LUC7L3: variants seen among roughly 807,000 people sequenced by gnomAD.
LUC7L3 encodes the protein luc7-like protein 3.
Under a neutral mutation model 66.8 loss-of-function variants are expected in LUC7L3, and 6 were observed. That is an observed-to-expected ratio of 0.09 (90% CI 0.05 to 0.18). The LOEUF (loss-of-function observed/expected upper bound fraction) is 0.18. LUC7L3 is among the 10% of genes least tolerant of loss of function. The pLI is 1.00. For missense variants in LUC7L3, 341 were observed against 531.1 expected (o/e 0.64, Z 3.52); for synonymous variants, 160 against 174.7 (o/e 0.92, Z 0.66).
chr17:50,751,890 T>A lies in LUC7L3; in HGVS notation c.*1229T>A, dbSNP rs1970989287. ...TGTTCTTAAAACCTGTAAACTTCAT[T>A]CTGTGGGCTAGTGGTGTGGGACAAA... On this transcript the variant is annotated 3_prime_UTR_variant, in exon 10 of 10. Coordinates refer to ENST00000505658, the MANE Select transcript of LUC7L3 (RefSeq NM_016424.5). The A allele has an allele frequency of 1.4e-5, 14 of 1,016,838 alleles. No homozygotes were observed. Among genetic ancestry groups the A allele is most frequent in the Non-Finnish European group, 1.5e-5 (13 of 848,794 alleles). The allele number at this position is 1,016,838 out of a possible 1,614,324, so 63.0% of individuals were successfully genotyped here.
At chr17:50,740,637 C>G (rs1434256424) in intron 3 of LUC7L3, among the ~76,000 whole-genome samples, 1 of 152,150 alleles carries the variant, frequency 6.6e-6, no homozygotes, top group Non-Finnish European at 1.5e-5. Flanking sequence ...CAGCTTACTG[C>G]AACCTCCGCC....
intron 1 of LUC7L3, among the ~76,000 whole-genome samples, chr17:50,730,513 C>CAAAAAAAAAAAAAAAAAAAA (rs3063109): frequency 4.7e-4 from 28 of 59,088 alleles, no homozygotes; most frequent in African/African-American, 6.0e-4. Flanking sequence ...ACTCTGTCTC[C>CAAAAAAAAAAAAAAAAAAAA]AAAAAAAAAA....
chr17:50,724,613 G>T (rs1414719756), intron 1 of LUC7L3, among the ~76,000 whole-genome samples: 1 of 28,372 alleles, frequency 3.5e-5, no homozygotes, highest in East Asian at 9.4e-4. Context: ...TAGGAAAATT[G>T]TGTGTGTGTG....
intron 9 of LUC7L3, among the ~76,000 whole-genome samples, chr17:50,747,213 CTTTTTCT>C (rs1327123015): frequency 2.1e-5 from 3 of 144,420 alleles, no homozygotes; most frequent in East Asian, 2.0e-4. Context: ...TTCCCCTTTA[CTTTTTCT>C]TTTTTCTTTT....
intron 1 of LUC7L3, among the ~76,000 whole-genome samples, chr17:50,725,513 C>T (rs1430604184): frequency 6.6e-6 from 1 of 152,102 alleles, no homozygotes; most frequent in Non-Finnish European, 1.5e-5. Context: ...ACAGTAAATG[C>T]ACTTTTTTTT....
intron 1 of LUC7L3, 155 bp from the exon 2 acceptor site, chr17:50,736,805 T>C (rs1228873895): frequency 3.5e-6 from 2 of 576,488 alleles, no homozygotes; most frequent in Non-Finnish European, 3.0e-6. Context: ...AGTCTGAAAA[T>C]CACTAATTTA....
Position 50,752,285 on chromosome 17 carries a change from A to T in LUC7L3, c.*1624A>T. On this transcript the variant is annotated 3_prime_UTR_variant, in exon 10 of 10. Coordinates refer to ENST00000505658, the MANE Select transcript of LUC7L3 (RefSeq NM_016424.5). The stretch of plus-strand genomic sequence containing the variant: ...TTAAAAAATGAGGTGAAAGAAAGCT[A>T]TAGTGGCATAGAAAAAGTATAAAGC... 8.7e-7 allele frequency: 1 copy of T among 1,145,388 alleles called. No individual in the cohort carries two copies. Among genetic ancestry groups the T allele is most frequent in the Non-Finnish European group, 1.1e-6 (1 of 873,888 alleles). The allele number at this position is 1,145,388 out of a possible 1,614,324, so 71.0% of individuals were successfully genotyped here.
In LUC7L3 at chr17:50,742,197, T is replaced by C. The variant is rs544469889; in HGVS notation, c.426+466T>C. On this transcript the variant is annotated intron_variant, in intron 5 of 9. Coordinates refer to ENST00000505658, the MANE Select transcript of LUC7L3 (RefSeq NM_016424.5). Reference sequence around the variant, plus strand: ...GATTAAAACTGCAATCAAATACCTATTTGACACCTATGAGAATAGCTAAAA... The same window carrying C: ...GATTAAAACTGCAATCAAATACCTACTTGACACCTATGAGAATAGCTAAAA... Among the ~76,000 whole-genome samples the C allele has an allele frequency of 2.0e-5, 3 of 152,306 alleles. 1 individual carries two copies. In the South Asian group the frequency reaches 6.2e-4, roughly 32 times the overall value.
intron 5 of LUC7L3, among the ~76,000 whole-genome samples, chr17:50,742,690 A>G (rs1283527154): frequency 1.3e-5 from 2 of 152,164 alleles, no homozygotes; most frequent in Admixed American, 6.5e-5. Context: ...AAAATGTACC[A>G]TATGCCATTC....
intron 1 of LUC7L3, chr17:50,723,378 G>A (rs976151163): frequency 1.3e-5 from 2 of 152,210 alleles, no homozygotes; most frequent in Admixed American, 6.5e-5. Context: ...AATGTTAGCA[G>A]ATACTGTCAT....
At chr17:50,738,482 A>T (rs886452904) in intron 2 of LUC7L3, among the ~76,000 whole-genome samples, 2 of 152,210 alleles carry the variant, frequency 1.3e-5, no homozygotes, top group South Asian at 4.1e-4. Context: ...AATCTTAAGA[A>T]ATTTAGTATC....
chr17:50,744,605 GT>G, intron 6 of LUC7L3, 46 bp from the exon 7 acceptor site: 1 of 1,552,936 alleles, frequency 6.4e-7, no homozygotes. Flanking sequence ...CCTGGGATTT[GT>G]TTCTCTTCCT....
At chr17:50,743,531 A>G (rs1970482427) in intron 5 of LUC7L3, 175 bp from the exon 6 acceptor site, 2 of 538,660 alleles carry the variant, frequency 3.7e-6, no homozygotes, top group Non-Finnish European at 3.3e-6. Context: ...TTAACACATC[A>G]GTTATACTTT....
At position 50,752,296 on chromosome 17, in the gene LUC7L3, GA is replaced by G; in HGVS notation, c.*1640del. The G allele has an allele frequency of 9.3e-7, 1 of 1,079,858 alleles. No individual in the cohort carries two copies. The highest frequency in any genetic ancestry group is 1.2e-6 in the Non-Finnish European group (1 of 820,174). 66.9% of individuals were successfully genotyped at this position (1,079,858 alleles called of 1,614,324 possible). A position where few individuals can be genotyped will look rare whatever the true frequency, so the allele number is the denominator to read the frequency against. ...GGTGAAAGAAAGCTATAGTGGCATAGAAAAAGTATAAAGCTCAGTTAGTTTT... is the reference window on the plus strand; with the variant it reads ...GGTGAAAGAAAGCTATAGTGGCATAGAAAAGTATAAAGCTCAGTTAGTTTT... On this transcript the variant is annotated 3_prime_UTR_variant, in exon 10 of 10. Coordinates refer to ENST00000505658, the MANE Select transcript of LUC7L3 (RefSeq NM_016424.5).
intron 5 of LUC7L3, among the ~76,000 whole-genome samples, chr17:50,743,254 A>G (rs1302003399): frequency 2.0e-5 from 3 of 151,752 alleles, no homozygotes; most frequent in African/African-American, 7.3e-5. Context: ...GCTGGAGTGC[A>G]GTGGCACGAT....
chr17:50,742,002 C>G (rs564850910), intron 5 of LUC7L3, among the ~76,000 whole-genome samples: 7 of 152,080 alleles, frequency 4.6e-5, no homozygotes, highest in Non-Finnish European at 8.8e-5. Flanking sequence ...CTTAAGCCTA[C>G]AAGGGCGAGG....
intron 5 of LUC7L3, among the ~76,000 whole-genome samples, chr17:50,743,214 A>G (rs955457016): frequency 6.6e-6 from 1 of 151,892 alleles, no homozygotes; most frequent in African/African-American, 2.4e-5. Context: ...TTTTTTAAAA[A>G]AAAAAACAGA....
intron 1 of LUC7L3, among the ~76,000 whole-genome samples, chr17:50,729,507 C>T (rs777729498): frequency 3.3e-5 from 5 of 152,178 alleles, no homozygotes; most frequent in African/African-American, 9.6e-5. Flanking sequence ...GAGCTGATCC[C>T]GGCTGCCCAG....
chr17:50,741,265 G>C lies in LUC7L3; in HGVS notation c.351+19G>C. On this transcript the variant is annotated intron_variant, in intron 4 of 9. Transcript: ENST00000505658. Reference sequence around the variant, plus strand: ...TTCTGGGGTAAGTGAAGTCAATTCAGTCTTTGTAAACGGTCCTTGTTTTCT... The same window carrying C: ...TTCTGGGGTAAGTGAAGTCAATTCACTCTTTGTAAACGGTCCTTGTTTTCT... The C allele has an allele frequency of 6.2e-7, 1 of 1,611,718 alleles. No individual in the cohort carries two copies. The highest frequency in any genetic ancestry group is 8.5e-7 in the Non-Finnish European group (1 of 1,178,710).
Sources: gnomAD v4.1 joint callset for allele counts (sites outside exome capture counted in the v4.1 genomes callset) on GRCh38, gnomAD v4.1.1 for gene constraint, MANE v1.5 for transcripts, NCBI Gene and HGNC (gene_info 2026-07-23, HGNC 2026-07-21) for gene names.